The following SLC38A6 variants were observed in gnomAD, a reference collection of about 807,000 sequenced individuals.
The protein encoded by SLC38A6 is solute carrier family 38 member 6.
SLC38A6 carries 73 observed loss-of-function variants against 65.0 expected under a neutral mutation model. The observed-to-expected ratio is 1.12, with a 90% CI of 0.93 to 1.37. The LOEUF (loss-of-function observed/expected upper bound fraction) is 1.37. SLC38A6 is among the 40% of genes most tolerant of loss of function. SLC38A6 has a pLI of 0.00. For missense variants in SLC38A6, 561 were observed against 531.1 expected (o/e 1.06, Z -0.55); for synonymous variants, 183 against 178.8 (o/e 1.02, Z -0.19).
At chr14:61,001,072 C>T (rs2139375627) in intron 3 of SLC38A6, among the ~76,000 whole-genome samples, 1 of 152,240 alleles carries the variant, frequency 6.6e-6, no homozygotes, top group South Asian at 2.1e-4. Context: ...CTTGTCTCAT[C>T]CTTCTTATTA....
chr14:61,064,999 C>T (rs2042975551), intron 15 of SLC38A6, among the ~76,000 whole-genome samples: 1 of 152,134 alleles, frequency 6.6e-6, no homozygotes. Context: ...GGGTAATTCA[C>T]ACCTCTGCTT....
At chr14:60,997,217 C>G (rs2038359847) in intron 3 of SLC38A6, among the ~76,000 whole-genome samples, 1 of 152,138 alleles carries the variant, frequency 6.6e-6, no homozygotes, top group African/African-American at 2.4e-5. Flanking sequence ...ACCTCCACCT[C>G]CCAGGCTCAA....
At chr14:61,061,018 G>A (rs575928359) in intron 15 of SLC38A6, among the ~76,000 whole-genome samples, 2 of 151,800 alleles carry the variant, frequency 1.3e-5, no homozygotes, top group African/African-American at 4.8e-5. Flanking sequence ...TGCGCCCACT[G>A]TCTGGCACTC....
At chr14:61,028,447 C>T (rs938495537) in intron 5 of SLC38A6, among the ~76,000 whole-genome samples, 8 of 152,096 alleles carry the variant, frequency 5.3e-5, no homozygotes, top group Non-Finnish European at 8.8e-5. Context: ...TTTATCTTTG[C>T]ACCATATGTG....
chr14:61,082,587 T>C (rs775789131), intron 16 of SLC38A6, among the ~76,000 whole-genome samples: 6 of 152,300 alleles, frequency 3.9e-5, no homozygotes, highest in Non-Finnish European at 8.8e-5. Flanking sequence ...CATTGTAGTT[T>C]AATTCCTGTT....
Position 61,078,892 on chromosome 14 carries a change from C to T in SLC38A6, c.1373C>T (p.Pro458Leu), listed in dbSNP as rs199878453. 1,090 of 190,592 alleles carry T rather than the reference C, an allele frequency of 5.7e-3. 11 individuals are homozygous for T. Among genetic ancestry groups the T allele is most frequent in the Non-Finnish European group, 6.6e-3 (611 of 92,814 alleles). The allele number at this position is 190,592 out of a possible 1,614,324, so 11.8% of individuals were successfully genotyped here. The change falls in exon 16 of 17, where the codon CCT (proline) becomes CTT (leucine). Residue 458 changes from proline to leucine, a missense_variant. Transcript: ENST00000354886. ...CTCTGCCTCCCGGACTCAAGCAATC[C>T]TCCCACCTCAGCCTCCAGAGTAGCT...
intron 3 of SLC38A6, among the ~76,000 whole-genome samples, chr14:61,008,312 TTTGTA>T (rs1449884120): frequency 1.9e-4 from 3 of 15,840 alleles, no homozygotes; most frequent in African/African-American, 7.8e-4. Context: ...TCTTTCTAAC[TTTGTA>T]GTAATGATAG....
chr14:61,048,835 A>G (rs1018962363), intron 12 of SLC38A6, among the ~76,000 whole-genome samples: 2 of 152,166 alleles, frequency 1.3e-5, no homozygotes, highest in African/African-American at 4.8e-5. Flanking sequence ...TAAAAAGTCT[A>G]TGAGGTTGTT....
intron 5 of SLC38A6, among the ~76,000 whole-genome samples, chr14:61,023,691 T>C (rs1478929087): frequency 6.6e-6 from 1 of 151,814 alleles, no homozygotes; most frequent in Non-Finnish European, 1.5e-5. Flanking sequence ...TCTTATTCTT[T>C]GTAACATTTA....
intron 3 of SLC38A6, among the ~76,000 whole-genome samples, chr14:61,006,604 G>A (rs2039139844): frequency 6.6e-6 from 1 of 152,168 alleles, no homozygotes; most frequent in African/African-American, 2.4e-5. Context: ...TCAGAGAAAT[G>A]CAAATCAAAA....
chr14:60,981,644 G>C (rs1194229899), intron 1 of SLC38A6: 1 of 1,443,510 alleles, frequency 6.9e-7, no homozygotes, highest in South Asian at 1.2e-5. Flanking sequence ...TGGAAGCTGC[G>C]AACATGATGG....
chr14:61,061,385 C>T (rs2042835766), intron 15 of SLC38A6, among the ~76,000 whole-genome samples: 1 of 152,132 alleles, frequency 6.6e-6, no homozygotes. Flanking sequence ...AGATATTGAC[C>T]TGAAGTTTTC....
downstream of SLC38A6, among the ~76,000 whole-genome samples, chr14:61,054,479 A>C (rs1159028231): frequency 6.6e-6 from 1 of 152,192 alleles, no homozygotes; most frequent in African/African-American, 2.4e-5. Flanking sequence ...TGGCCATTTT[A>C]ATGATAACGA....
At position 61,070,455 on chromosome 14, in the gene SLC38A6, C is replaced by G. The variant is rs78276835; in HGVS notation, c.1291-8355C>G. On this transcript the variant is annotated intron_variant, in intron 15 of 16. Transcript: ENST00000354886. ...TACCACAATTTCTTTATCCATGAAT[C>G]TGCCAATAGACATTTAGGTTGTTTT... Among the ~76,000 whole-genome samples, 1,130 of 152,310 alleles carry G rather than the reference C, an allele frequency of 7.4e-3. 13 individuals are homozygous for G. Among genetic ancestry groups the G allele is most frequent in the African/African-American group, 0.026 (1,077 of 41,546 alleles).
rs549745367 is a variant in SLC38A6, at chr14:61,025,523, T to C, written c.404-4922T>C. ...TAGAATAGGAGAGGTACAGGAAATT[T>C]GGAGAGTCTTTTTCACAAGCACTTC... On this transcript the variant is annotated intron_variant, in intron 5 of 15. Coordinates refer to ENST00000267488, the MANE Select transcript of SLC38A6 (RefSeq NM_153811.3). 2.0e-5 allele frequency among the ~76,000 whole-genome samples: 3 copies of C among 152,256 alleles called. No homozygotes were observed. The South Asian group carries it at 6.2e-4, about 32-fold the overall frequency.
At chr14:61,049,995 C>T (rs1384004374) in intron 12 of SLC38A6, among the ~76,000 whole-genome samples, 1 of 152,064 alleles carries the variant, frequency 6.6e-6, no homozygotes, top group Non-Finnish European at 1.5e-5. Context: ...ACAGATGAAA[C>T]GTAACATGCA....
At chr14:60,986,801 A>T (rs1358263579) in intron 3 of SLC38A6, among the ~76,000 whole-genome samples, 1 of 152,194 alleles carries the variant, frequency 6.6e-6, no homozygotes. Context: ...CTATGTGGCA[A>T]TTATGTCTTT....
At chr14:61,029,781 TGGAATAAAA>T (rs1189178861) in intron 5 of SLC38A6, among the ~76,000 whole-genome samples, 1 of 152,194 alleles carries the variant, frequency 6.6e-6, no homozygotes, top group East Asian at 1.9e-4. Flanking sequence ...GTTAATAAAA[TGGAATAAAA>T]GTTGGAAGTT....
At chr14:61,064,210 A>G (rs573308142) in intron 15 of SLC38A6, among the ~76,000 whole-genome samples, 9 of 152,134 alleles carry the variant, frequency 5.9e-5, no homozygotes, top group Non-Finnish European at 8.8e-5. Context: ...ATGGCCTCCC[A>G]TGTGGCTTCA....
Sources: allele counts gnomAD v4.1 joint callset (sites outside exome capture counted in the v4.1 genomes callset), GRCh38; gene constraint gnomAD v4.1.1; transcripts MANE v1.5; gene names NCBI Gene and HGNC (gene_info 2026-07-23, HGNC 2026-07-21).